The following SMDT1 variants were observed in gnomAD, a reference collection of about 807,000 sequenced individuals.
SMDT1 encodes single-pass membrane protein with aspartate rich tail 1.
A neutral mutation model predicts 5.9 loss-of-function variants in SMDT1; 6 were observed. The ratio of observed to expected loss-of-function variants is 1.03; its 90% CI spans 0.56 to 2.02. SMDT1 has a LOEUF of 2.02. SMDT1 is among the 30% of genes most tolerant of loss of function. The pLI is 0.00. For missense variants in SMDT1, 159 were observed against 145.6 expected, an observed-to-expected ratio of 1.09 and a Z score of -0.47; for synonymous variants, 81 against 62.4, an observed-to-expected ratio of 1.30 and a Z score of -1.40.
At chr22:42,080,905 C>T (rs1927732419) in intron 1 of SMDT1, among the ~76,000 whole-genome samples, 1 of 152,214 alleles carries the variant, frequency 6.6e-6, no homozygotes, top group African/African-American at 2.4e-5. Context: ...TCAAATTTCT[C>T]AGGCATCAGG....
At position 42,079,756 on chromosome 22, in the gene SMDT1, C is replaced by A. The variant is rs745600257; in HGVS notation, c.-13C>A. On this transcript the variant is annotated 5_prime_UTR_variant, in exon 1 of 3. Transcript: ENST00000331479. ...GGGGTGCGGGTGCCCGGGTGAGGGG[C>A]GGAGCTGGGGGCATGGCGTCCGGAG... 6.3e-7 allele frequency: 1 copy of A among 1,597,678 alleles called. No homozygotes were observed. Among genetic ancestry groups the A allele is most frequent in the East Asian group, 2.2e-5 (1 of 44,638 alleles).
At position 42,079,913 on chromosome 22, in the gene SMDT1, A is replaced by T. The variant is rs1344733083; in HGVS notation, c.145A>T (p.Ile49Phe). ...GAGCCTGGTACCGTCGAGGTCAGTC[A>T]TCGTTACCCGCAGCGGCGCCATTTT... ...GRSLVPSRSV[I>F]VTRSGAILPK... Residue 49 changes from isoleucine (I) to phenylalanine (F), a missense_variant, in exon 1 of 3, where the codon ATC (isoleucine) becomes TTC (phenylalanine). Transcript: ENST00000331479. 2.5e-6 allele frequency: 4 copies of T among 1,613,582 alleles called. No homozygotes were observed. The South Asian group carries it at 3.3e-5, about 13-fold the overall frequency.
intron 1 of SMDT1, among the ~76,000 whole-genome samples, chr22:42,081,387 G>A (rs1400004095): frequency 1.3e-5 from 2 of 151,862 alleles, no homozygotes; most frequent in East Asian, 1.9e-4. Flanking sequence ...GGCTGATTTC[G>A]AACTTCTGAC....
intron 1 of SMDT1, 73 bp from the exon 2 acceptor site, chr22:42,081,852 A>G: frequency 6.3e-7 from 1 of 1,581,782 alleles, no homozygotes. Context: ...TATGTCTGTG[A>G]GAGGGCCAGG....
In SMDT1 at chr22:42,083,411, G is replaced by A. The variant is rs1927933643; in HGVS notation, c.*296G>A. On this transcript the variant is annotated 3_prime_UTR_variant, in exon 3 of 3. Coordinates refer to ENST00000331479, the MANE Select transcript of SMDT1 (RefSeq NM_033318.5). The stretch of plus-strand genomic sequence containing the variant: ...TCAGTATCCCTAGGTTCTAGTTGGT[G>A]CAGTTGTCTCTGCTGTCCTTTATTT... The A allele has an allele frequency of 6.6e-6, 1 of 152,280 alleles. No homozygotes were observed. Among genetic ancestry groups the A allele is most frequent in the Non-Finnish European group, 1.5e-5 (1 of 68,060 alleles). The allele number at this position is 152,280 out of a possible 1,614,324, so 9.4% of individuals were successfully genotyped here.
rs918343979 is a variant in SMDT1, at chr22:42,079,715, A to G, written c.-54A>G. 14 of 1,547,002 alleles carry G rather than the reference A, an allele frequency of 9.0e-6. No individual in the cohort carries two copies. The African/African-American group carries it at 1.6e-4, about 18-fold the overall frequency. On this transcript the variant is annotated 5_prime_UTR_variant, in exon 1 of 3. Transcript: ENST00000331479. ...GGGCGGCTTTCTTCCCGAGGGCGGCACGAGGGCTGGGCGGTGGGGTGCGGG... is the reference window on the plus strand; with the variant it reads ...GGGCGGCTTTCTTCCCGAGGGCGGCGCGAGGGCTGGGCGGTGGGGTGCGGG...
rs1376137054 is a variant in SMDT1, at chr22:42,082,002, T to C, written c.264T>C (p.Phe88=). The change falls in exon 2 of 3, where the codon TTT becomes TTC. Residue 88 remains phenylalanine (F), a synonymous_variant. Transcript: ENST00000331479. ...LYVGTLISKN[F]AALLEEHDIF... ...TCGGGACACTCATTAGCAAGAACTT[T>C]GCTGCTCTACTTGAGGAACATGACA... 1 of 1,614,078 alleles carries C rather than the reference T, an allele frequency of 6.2e-7. No homozygotes were observed. Among genetic ancestry groups the C allele is most frequent in the South Asian group, 1.1e-5 (1 of 91,084 alleles).
intron 1 of SMDT1, among the ~76,000 whole-genome samples, chr22:42,080,220 G>A (rs189737155): frequency 1.4e-3 from 207 of 152,304 alleles, no homozygotes; most frequent in Middle Eastern, 3.4e-3. Context: ...CTCCTCTGGA[G>A]TCAGAAGACT....
intron 1 of SMDT1, among the ~76,000 whole-genome samples, chr22:42,080,378 A>G (rs1286092165): frequency 6.6e-6 from 1 of 152,216 alleles, no homozygotes; most frequent in Non-Finnish European, 1.5e-5. Flanking sequence ...GTCACCTAAT[A>G]TTTAATTCAT....
At position 42,079,888 on chromosome 22, in the gene SMDT1, G is replaced by T. The variant is rs1424201225; in HGVS notation, c.120G>T (p.Arg40=). The change falls in exon 1 of 3, where the codon CGG becomes CGT. Residue 40 remains arginine, a synonymous_variant. Transcript: ENST00000331479. ...DVSAAWSGSG[R]SLVPSRSVIV... The stretch of plus-strand genomic sequence containing the variant: ...CCGCCGCATGGAGCGGCTCAGGCCG[G>T]AGCCTGGTACCGTCGAGGTCAGTCA... 2 of 1,614,212 alleles carry T rather than the reference G, an allele frequency of 1.2e-6. No homozygotes were observed. The highest frequency in any genetic ancestry group is 1.7e-6 in the Non-Finnish European group (2 of 1,180,032).
At position 42,082,082 on chromosome 22, in the gene SMDT1, C is replaced by T. The variant is rs1927831782; in HGVS notation, c.*3+17C>T. 6.2e-7 allele frequency: 1 copy of T among 1,607,122 alleles called. No homozygotes were observed. The highest frequency in any genetic ancestry group is 8.5e-7 in the Non-Finnish European group (1 of 1,179,878). ...GACTAACAGGTAAGACTTGCTTTAC[C>T]CTAGATGGAGCAGGAAGCAGGGTGG... is the stretch of plus-strand genomic sequence containing the variant. On this transcript the variant is annotated intron_variant, in intron 2 of 2. Transcript: ENST00000331479.
Position 42,081,963 on chromosome 22 carries a change from C to G in SMDT1, c.225C>G (p.Ile75Met). The G allele has an allele frequency of 6.2e-7, 1 of 1,614,104 alleles. No individual in the cohort carries two copies. Among genetic ancestry groups the G allele is most frequent in the Non-Finnish European group, 8.5e-7 (1 of 1,180,038 alleles). Residue 75 changes from isoleucine to methionine, a missense_variant, in exon 2 of 3, where the codon ATC (isoleucine) becomes ATG (methionine). Coordinates refer to ENST00000331479, the MANE Select transcript of SMDT1 (RefSeq NM_033318.5). ...FGLLRVFSIV[I>M]PFLYVGTLIS... ...TTCTCCGTGTGTTCTCCATTGTGAT[C>G]CCCTTTCTCTATGTCGGGACACTCA...
At chr22:42,080,446 G>C (rs1320721187) in intron 1 of SMDT1, among the ~76,000 whole-genome samples, 7 of 152,260 alleles carry the variant, frequency 4.6e-5, no homozygotes, top group Non-Finnish European at 1.0e-4. Context: ...GTTTTCAAAT[G>C]AAGAATCGGG....
In SMDT1 at chr22:42,079,726, G is replaced by A; in HGVS notation, c.-43G>A. 1 of 1,574,504 alleles carries A rather than the reference G, an allele frequency of 6.4e-7. No homozygotes were observed. ...TTCCCGAGGGCGGCACGAGGGCTGGGCGGTGGGGTGCGGGTGCCCGGGTGA... is the reference window on the plus strand; with the variant it reads ...TTCCCGAGGGCGGCACGAGGGCTGGACGGTGGGGTGCGGGTGCCCGGGTGA... On this transcript the variant is annotated 5_prime_UTR_variant, in exon 1 of 3. Transcript: ENST00000331479.
At chr22:42,080,756 T>A (rs2146861029) in intron 1 of SMDT1, among the ~76,000 whole-genome samples, 1 of 152,300 alleles carries the variant, frequency 6.6e-6, no homozygotes, top group African/African-American at 2.4e-5. Flanking sequence ...TCAAAACAGT[T>A]GAAAAAAAAA....
chr22:42,082,290 C>T (rs780179597), intron 2 of SMDT1: 11 of 500,494 alleles, frequency 2.2e-5, no homozygotes, highest in African/African-American at 3.9e-5. Flanking sequence ...CAACCTCTGC[C>T]TTCCAGGTTC....
rs1370431389 is a variant in SMDT1, at chr22:42,079,947, C to T, written c.179C>T (p.Pro60Leu). The change falls in exon 1 of 3, where the codon CCG becomes CTG. Residue 60 changes from proline (P) to leucine (L), a missense_variant. By Grantham distance (98) the Pro-to-Leu change is moderately conservative. Coordinates refer to ENST00000331479, the MANE Select transcript of SMDT1 (RefSeq NM_033318.5). The part of the protein sequence containing the change: ...VTRSGAILPK[P>L]VKMSFGLLRV... ...CGCAGCGGCGCCATTTTGCCCAAACCGGTGAAAGTGAGTGTCCTCCTGGAG... is the reference window on the plus strand; with the variant it reads ...CGCAGCGGCGCCATTTTGCCCAAACTGGTGAAAGTGAGTGTCCTCCTGGAG... 2 of 1,611,420 alleles carry T rather than the reference C, an allele frequency of 1.2e-6. No individual in the cohort carries two copies. Among genetic ancestry groups the T allele is most frequent in the African/African-American group, 1.3e-5 (1 of 74,866 alleles).
intron 2 of SMDT1, 93 bp downstream of exon 2, chr22:42,082,158 G>C: frequency 6.7e-7 from 1 of 1,499,808 alleles, no homozygotes; most frequent in Non-Finnish European, 9.1e-7. Context: ...TGGACACTGG[G>C]GGCAGAAGCA....
At chr22:42,081,321 A>C (rs566019881) in intron 1 of SMDT1, among the ~76,000 whole-genome samples, 9 of 152,118 alleles carry the variant, frequency 5.9e-5, no homozygotes, top group African/African-American at 2.2e-4. Context: ...ATGTACCACC[A>C]CACCCGGCTA....
Sources: gnomAD v4.1 joint callset for allele counts (sites outside exome capture counted in the v4.1 genomes callset) on GRCh38, gnomAD v4.1.1 for gene constraint, MANE v1.5 for transcripts, NCBI Gene and HGNC (gene_info 2026-07-23, HGNC 2026-07-21) for gene names.